PPP1R12B: variants seen among roughly 807,000 people sequenced by gnomAD.
PPP1R12B encodes the protein myosin phosphatase target subunit 2.
A neutral mutation model predicts 126.1 loss-of-function variants in PPP1R12B; 76 were observed. The ratio of observed to expected loss-of-function variants is 0.60; its 90% CI spans 0.50 to 0.73. PPP1R12B has a LOEUF of 0.73. PPP1R12B is among the 30% of genes least tolerant of loss of function. PPP1R12B has a pLI of 0.00. For missense variants in PPP1R12B, 1,052 were observed against 1,205.1 expected (o/e 0.87, Z 1.88); for synonymous variants, 356 against 434.7 (o/e 0.82, Z 2.25).
intron 1 of PPP1R12B, among the ~76,000 whole-genome samples, chr1:202,403,875 C>T (rs1666194981): frequency 1.3e-5 from 2 of 152,194 alleles, no homozygotes; most frequent in South Asian, 2.1e-4. Flanking sequence ...TATCCTTTCT[C>T]ACCACTGACA....
intron 18 of PPP1R12B, among the ~76,000 whole-genome samples, chr1:202,532,973 G>T (rs530502881): frequency 1.4e-5 from 2 of 140,362 alleles, no homozygotes; most frequent in Non-Finnish European, 3.0e-5. Context: ...AGGTTCAAAT[G>T]ATTCTCCTGC....
intron 18 of PPP1R12B, among the ~76,000 whole-genome samples, chr1:202,516,443 G>A (rs1682157000): frequency 6.6e-6 from 1 of 152,222 alleles, no homozygotes; most frequent in Non-Finnish European, 1.5e-5. Flanking sequence ...AGGTTTGCCA[G>A]TAAGGAGATG....
At position 202,481,383 on chromosome 1, in the gene PPP1R12B, G is replaced by C. The variant is rs575188503; in HGVS notation, c.1851-7150G>C. ...CCAACTATGTATTTGTGCAAGACTA[G>C]ATAGTCTTTATATATTTTAACCAAA... On this transcript the variant is annotated intron_variant, in intron 13 of 23. Transcript: ENST00000608999. Among the ~76,000 whole-genome samples the C allele has an allele frequency of 1.1e-4, 17 of 152,258 alleles. 1 individual carries two copies. In the South Asian group the frequency reaches 2.7e-3, roughly 24 times the overall value.
At chr1:202,418,545 A>G (rs1238637345) in intron 2 of PPP1R12B, among the ~76,000 whole-genome samples, 2 of 152,160 alleles carry the variant, frequency 1.3e-5, no homozygotes, top group Non-Finnish European at 2.9e-5. Context: ...GTAAGTTCAC[A>G]ATATAACAAT....
At chr1:202,358,307 C>G (rs1158408928) in intron 1 of PPP1R12B, among the ~76,000 whole-genome samples, 1 of 152,044 alleles carries the variant, frequency 6.6e-6, no homozygotes, top group Non-Finnish European at 1.5e-5. Context: ...AGATTGTAAC[C>G]AGTTTGAGTA....
Position 202,562,863 on chromosome 1 carries a change from G to A in PPP1R12B, c.2593G>A (p.Ala865Thr). ...SARARREARE[A>T]RLATLTSRVE... ...AAGAGCCCGTCGGGAGGCCCGGGAG[G>A]CCCGCCTAGCCACCCTGACCAGCCG... Residue 865 changes from alanine (A) to threonine (T), a missense_variant, in exon 20 of 24, where the codon GCC becomes ACC. Transcript: ENST00000608999. 1.9e-6 allele frequency: 3 copies of A among 1,612,634 alleles called. No homozygotes were observed. Among genetic ancestry groups the A allele is most frequent in the Non-Finnish European group, 1.7e-6 (2 of 1,179,518 alleles).
At position 202,589,296 on chromosome 1, in the gene PPP1R12B, T is replaced by C. The variant is rs1480366476; in HGVS notation, c.*8736T>C. 1 of 152,192 alleles carries C rather than the reference T, an allele frequency of 6.6e-6. No homozygotes were observed. Among genetic ancestry groups the C allele is most frequent in the Non-Finnish European group, 1.5e-5 (1 of 68,046 alleles). 9.4% of individuals were successfully genotyped at this position (152,192 alleles called of 1,614,324 possible). ...CCAGGATCTGGGTCTGGTTTCTCCA[T>C]CCAGCAAGCCCTGCCTCTGGCTTTG... is the stretch of plus-strand genomic sequence containing the variant. On this transcript the variant is annotated 3_prime_UTR_variant, in exon 24 of 24. Coordinates refer to ENST00000608999, the MANE Select transcript of PPP1R12B (RefSeq NM_002481.4).
chr1:202,407,969 A>G (rs1365101572), intron 1 of PPP1R12B, among the ~76,000 whole-genome samples: 1 of 152,222 alleles, frequency 6.6e-6, no homozygotes, highest in African/African-American at 2.4e-5. Flanking sequence ...CTATTTACAT[A>G]GTATTTACAT....
intron 1 of PPP1R12B, among the ~76,000 whole-genome samples, chr1:202,353,774 C>G (rs1173087327): frequency 6.6e-6 from 1 of 151,950 alleles, no homozygotes; most frequent in Non-Finnish European, 1.5e-5. Context: ...TCATACCCAG[C>G]TAATTTTTAA....
At chr1:202,456,254 G>A (rs1673616978) in intron 13 of PPP1R12B, among the ~76,000 whole-genome samples, 1 of 150,076 alleles carries the variant, frequency 6.7e-6, no homozygotes, top group Admixed American at 6.7e-5. Flanking sequence ...GGGCGACAGA[G>A]CAAGAATCCG....
chr1:202,431,757 T>G, intron 8 of PPP1R12B, 138 bp downstream of exon 8: 1 of 772,540 alleles, frequency 1.3e-6, no homozygotes, highest in East Asian at 2.7e-5. Context: ...GATATCAAAT[T>G]GCCAGTGACC....
intron 18 of PPP1R12B, among the ~76,000 whole-genome samples, chr1:202,510,471 T>C (rs941163422): frequency 1.3e-5 from 2 of 152,196 alleles, no homozygotes; most frequent in Non-Finnish European, 2.9e-5. Context: ...ATAGTGTTCC[T>C]AGAGGTATAA....
intron 10 of PPP1R12B, among the ~76,000 whole-genome samples, chr1:202,440,297 C>T (rs1671442632): frequency 6.6e-6 from 1 of 152,036 alleles, no homozygotes; most frequent in Non-Finnish European, 1.5e-5. Context: ...TGTACATATT[C>T]CTAAGGAAGC....
In PPP1R12B at chr1:202,522,411, A is replaced by G. The variant is rs187248368; in HGVS notation, c.2490+25589A>G. Among the ~76,000 whole-genome samples the G allele has an allele frequency of 5.8e-4, 88 of 152,156 alleles. 3 individuals carry two copies. The East Asian group carries it at 0.012, about 21-fold the overall frequency. ...CTTTTAAAAAATATATATTTAAATA[A>G]GTATGTTAAATATAAGGGTATCCAG... is the stretch of plus-strand genomic sequence containing the variant. On this transcript the variant is annotated intron_variant, in intron 18 of 23. Coordinates refer to ENST00000608999, the MANE Select transcript of PPP1R12B (RefSeq NM_002481.4).
At chr1:202,373,658 T>C (rs1327658908) in intron 1 of PPP1R12B, among the ~76,000 whole-genome samples, 1 of 126,806 alleles carries the variant, frequency 7.9e-6, no homozygotes, top group Non-Finnish European at 1.8e-5. Context: ...ACAGAAGATA[T>C]CTTTGTTTTT....
intron 3 of PPP1R12B, among the ~76,000 whole-genome samples, chr1:202,425,304 T>A (rs1669359498): frequency 6.6e-6 from 1 of 152,220 alleles, no homozygotes; most frequent in Admixed American, 6.5e-5. Context: ...CCTTTGTCTT[T>A]ATGTTCTGTT....
intron 6 of PPP1R12B, among the ~76,000 whole-genome samples, chr1:202,430,027 C>T (rs1259068289): frequency 1.3e-5 from 2 of 152,164 alleles, no homozygotes; most frequent in Non-Finnish European, 2.9e-5. Context: ...AATGCAGTGT[C>T]AATGCTGTTA....
chr1:202,439,041 T>C, intron 10 of PPP1R12B: 2 of 1,380,600 alleles, frequency 1.4e-6, no homozygotes, highest in Admixed American at 3.4e-5. Context: ...TGGGCGGACT[T>C]CATCCTGGCC....
intron 5 of PPP1R12B, chr1:202,428,484 T>C (rs1669831982): frequency 5.5e-6 from 1 of 181,876 alleles, no homozygotes; most frequent in East Asian, 1.8e-4. Flanking sequence ...TTATTAAACA[T>C]GTGCCCTGAA....
Sources: gnomAD v4.1 joint callset for allele counts (sites outside exome capture counted in the v4.1 genomes callset) on GRCh38, gnomAD v4.1.1 for gene constraint, MANE v1.5 for transcripts, NCBI Gene and HGNC (gene_info 2026-07-23, HGNC 2026-07-21) for gene names.